Variants in IDH1 observed in about 807,000 individuals in gnomAD.
The protein encoded by IDH1 is isocitrate dehydrogenase (NADP(+)) 1, also known as isocitrate dehydrogenase [NADP] cytoplasmic.
A neutral mutation model predicts 46.1 loss-of-function variants in IDH1; 33 were observed. That is an observed-to-expected ratio of 0.72 (90% CI 0.54 to 0.96). The LOEUF is 0.96. Ranked by LOEUF, IDH1 falls within the 40% of genes least tolerant of loss-of-function variation. The pLI is 0.00. For synonymous variants in IDH1, 144 were observed against 172.8 expected (o/e 0.83, Z 1.31); for missense variants, 421 against 515.7 (o/e 0.82, Z 1.78).
rs142549102 is a variant in IDH1, at chr2:208,248,862, C to A, written c.123-202G>T. 8.4e-3 allele frequency among the ~76,000 whole-genome samples: 1,273 copies of A among 152,282 alleles called. 21 individuals carry two copies. The highest frequency in any genetic ancestry group is 0.029 in the African/African-American group (1,197 of 41,536). On this transcript the variant is annotated intron_variant, in intron 3 of 9. Coordinates refer to ENST00000345146, the MANE Select transcript of IDH1 (RefSeq NM_005896.4). Reference sequence around the variant, plus strand: ...AAGAGAACTAAGAGAGGCTAGACTGCTGGGCTGCCCCTCCTCTTGTAATGG... The same window carrying A: ...AAGAGAACTAAGAGAGGCTAGACTGATGGGCTGCCCCTCCTCTTGTAATGG...
chr2:208,251,575 GAAAA>G lies in IDH1; in HGVS notation c.-16-12_-16-9del. 4.0e-6 allele frequency: 6 copies of G among 1,493,938 alleles called. No homozygotes were observed. Among genetic ancestry groups the G allele is most frequent in the Non-Finnish European group, 4.5e-6 (5 of 1,101,122 alleles). 92.5% of individuals were successfully genotyped at this position (1,493,938 alleles called of 1,614,324 possible). A position where few individuals can be genotyped will look rare whatever the true frequency, so the allele number is the denominator to read the frequency against. On this transcript the variant is annotated splice_polypyrimidine_tract_variant and intron_variant, in intron 2 of 9. Coordinates refer to ENST00000345146, the MANE Select transcript of IDH1 (RefSeq NM_005896.4). ...ATTTTGACTTCAATAAACCTAAAAAGAAAAAAAAAATACATGCCTTGTCATTTAT... is the reference window on the plus strand; with the variant it reads ...ATTTTGACTTCAATAAACCTAAAAAGAAAAAATACATGCCTTGTCATTTAT...
intron 7 of IDH1, among the ~76,000 whole-genome samples, chr2:208,240,467 A>T (rs1687898542): frequency 6.6e-6 from 1 of 152,060 alleles, no homozygotes; most frequent in South Asian, 2.1e-4. Flanking sequence ...TATTATTGTT[A>T]TTCTTATGTG....
chr2:208,252,425 T>C (rs1688141266), intron 2 of IDH1, among the ~76,000 whole-genome samples: 1 of 152,088 alleles, frequency 6.6e-6, no homozygotes, highest in African/African-American at 2.4e-5. Context: ...GGTGTGGGGG[T>C]AGCATATACA....
chr2:208,246,687 C>G (rs1019628243), intron 4 of IDH1, among the ~76,000 whole-genome samples: 14 of 149,246 alleles, frequency 9.4e-5, no homozygotes, highest in Admixed American at 4.0e-4. Context: ...GCCTGTAATC[C>G]CAGCACTTTG....
chr2:208,251,082 A>T (rs746688807), intron 3 of IDH1, among the ~76,000 whole-genome samples: 2 of 152,218 alleles, frequency 1.3e-5, no homozygotes, highest in Non-Finnish European at 2.9e-5. Context: ...TGATAAATCC[A>T]GTTTTTCTAG....
At chr2:208,243,345 A>G in intron 6 of IDH1, 82 bp downstream of exon 6, 1 of 1,055,058 alleles carries the variant, frequency 9.5e-7, no homozygotes, top group Non-Finnish European at 1.4e-6. Flanking sequence ...CCAGAATCAT[A>G]GGGATAGGGA....
chr2:208,243,294 C>T, intron 6 of IDH1, 133 bp downstream of exon 6: 5 of 732,552 alleles, frequency 6.8e-6, no homozygotes, highest in Non-Finnish European at 1.1e-5. Flanking sequence ...TCAGTTTTGC[C>T]CTTATCTTTA....
At chr2:208,245,768 G>C (rs1257646422) in intron 4 of IDH1, among the ~76,000 whole-genome samples, 1 of 124,742 alleles carries the variant, frequency 8.0e-6, no homozygotes, top group Non-Finnish European at 1.6e-5. Context: ...AATGCCAAAA[G>C]AGGGTATTAG....
chr2:208,252,051 G>A (rs1413781011), intron 2 of IDH1, among the ~76,000 whole-genome samples: 2 of 152,158 alleles, frequency 1.3e-5, no homozygotes, highest in East Asian at 3.8e-4. Context: ...GTCCAGAATG[G>A]TGAGTGCTAG....
chr2:208,240,036 A>G, intron 7 of IDH1, 33 bp from the exon 8 acceptor site: 1 of 1,613,262 alleles, frequency 6.2e-7, no homozygotes, highest in Non-Finnish European at 8.5e-7. Flanking sequence ...CGTTGGGTCC[A>G]ACTGCATGAA....
chr2:208,246,817 C>T (rs1220496187), intron 4 of IDH1, among the ~76,000 whole-genome samples: 1 of 152,070 alleles, frequency 6.6e-6, no homozygotes, highest in Admixed American at 6.5e-5. Flanking sequence ...GTAGCATGTG[C>T]CTGTAATCCC....
chr2:208,245,684 T>C (rs1688005827), intron 4 of IDH1, among the ~76,000 whole-genome samples: 3 of 147,378 alleles, frequency 2.0e-5, no homozygotes, highest in Non-Finnish European at 1.5e-5. Flanking sequence ...GAGAATAACA[T>C]AAGCCACTTT....
chr2:208,239,102 C>T lies in IDH1; in HGVS notation c.1123G>A (p.Asp375Asn), dbSNP rs2124847222. The T allele has an allele frequency of 6.2e-7, 1 of 1,613,968 alleles. No individual in the cohort carries two copies. The highest frequency in any genetic ancestry group is 8.5e-7 in the Non-Finnish European group (1 of 1,179,876). ...AAACCTTTAATGCAAGCAGCCAAGTCCTTGGTCATGAAGCCAGCCTCAATT... is the reference window on the plus strand; with the variant it reads ...AAACCTTTAATGCAAGCAGCCAAGTTCTTGGTCATGAAGCCAGCCTCAATT... Reference protein sequence around the residue: ...ETIEAGFMTKDLAACIKGLPN... With the variant: ...ETIEAGFMTKNLAACIKGLPN... The change falls in exon 9 of 10, where the codon GAC (aspartate) becomes AAC (asparagine). Residue 375 changes from aspartate to asparagine, a missense_variant. Asp to Asn is a conservative substitution (Grantham distance 23, BLOSUM62 1). Transcript: ENST00000345146.
At chr2:208,247,688 G>A (rs1162663662) in intron 4 of IDH1, 1 of 152,216 alleles carries the variant, frequency 6.6e-6, no homozygotes, top group Non-Finnish European at 1.5e-5. Context: ...CATTTTTGTA[G>A]AGACAGGGTT....
chr2:208,239,486 A>G (rs916756405), intron 8 of IDH1, among the ~76,000 whole-genome samples: 14 of 152,170 alleles, frequency 9.2e-5, no homozygotes, highest in Middle Eastern at 3.2e-3. Context: ...AAAGGTCACA[A>G]TCTCTTCTAT....
intron 3 of IDH1, 84 bp from the exon 4 acceptor site, chr2:208,248,744 C>T: frequency 7.7e-7 from 1 of 1,292,222 alleles, no homozygotes; most frequent in Non-Finnish European, 1.1e-6. Flanking sequence ...ATATAGAGCT[C>T]ATTATGCAGA....
chr2:208,242,064 T>A lies in IDH1; in HGVS notation c.780A>T (p.Lys260Asn), dbSNP rs1427936380. The change falls in exon 7 of 10, where the codon AAA becomes AAT. Residue 260 changes from lysine to asparagine, a missense_variant. Transcript: ENST00000345146. The part of the protein sequence containing the change: ...LIDDMVAQAM[K>N]SEGGFIWACK... ...AGGCCCAGATGAAGCCTCCCTCTGA[T>A]TTCATAGCTTGGGCCACCATGTCGT... 3 of 1,613,516 alleles carry A rather than the reference T, an allele frequency of 1.9e-6. 1 individual carries two copies. The highest frequency in any genetic ancestry group is 2.2e-5 in the South Asian group (2 of 91,052).
Position 208,239,075 on chromosome 2 carries a change from G to A in IDH1, c.1150C>T (p.Pro384Ser), listed in dbSNP as rs2124847074. 1 of 1,613,754 alleles carries A rather than the reference G, an allele frequency of 6.2e-7. No individual in the cohort carries two copies. The highest frequency in any genetic ancestry group is 8.5e-7 in the Non-Finnish European group (1 of 1,179,726). The part of the protein sequence containing the change: ...KDLAACIKGL[P>S]NVQRSDYLNT... ...ACTAGGGCATCTTATACTTACTTGG[G>A]TAAACCTTTAATGCAAGCAGCCAAG... Residue 384 changes from proline to serine, a missense_variant, in exon 9 of 10, where the codon CCC becomes TCC. Physicochemically the swap from Pro to Ser is moderately conservative, Grantham distance 74. Transcript: ENST00000345146.
rs1233802277 is a variant in IDH1, at chr2:208,239,214, G to C, written c.1011C>G (p.Thr337=). ...GCTTTGCTCTGTGGGCTAACCCTCT[G>C]GTCCAGGCAAAAATGGAAGCTAAAA... The part of the protein sequence containing the change: ...TNPIASIFAW[T]RGLAHRAKLD... Residue 337 remains threonine (T), a synonymous_variant, in exon 9 of 10, where the codon ACC becomes ACG. Transcript: ENST00000345146. 1 of 1,613,952 alleles carries C rather than the reference G, an allele frequency of 6.2e-7. No homozygotes were observed. The highest frequency in any genetic ancestry group is 1.1e-5 in the South Asian group (1 of 91,068).
Sources: gnomAD v4.1 joint callset for allele counts (sites outside exome capture counted in the v4.1 genomes callset) on GRCh38, gnomAD v4.1.1 for gene constraint, MANE v1.5 for transcripts, NCBI Gene and HGNC (gene_info 2026-07-23, HGNC 2026-07-21) for gene names.